SOD2: variants seen among roughly 807,000 people sequenced by gnomAD.
SOD2 encodes superoxide dismutase 2.
Under a neutral mutation model 27.0 loss-of-function variants are expected in SOD2, and 11 were observed. The ratio of observed to expected loss-of-function variants is 0.41; its 90% CI spans 0.26 to 0.67. SOD2 has a LOEUF of 0.67. Among genes scored for constraint, SOD2 ranks in the 30% least tolerant of loss-of-function variants. The probability of loss-of-function intolerance (pLI) is 0.34; values close to 1 mark genes in which losing one functional copy is unlikely to be tolerated. For missense variants in SOD2, 250 were observed against 274.5 expected (o/e 0.91, Z 0.63); for synonymous variants, 105 against 103.0 (o/e 1.02, Z -0.12).
At chr6:159,704,868 C>T (rs1364673776) in intron 1 of SOD2, among the ~76,000 whole-genome samples, 1 of 152,336 alleles carries the variant, frequency 6.6e-6, no homozygotes, top group South Asian at 2.1e-4. Flanking sequence ...AACTGGGAGG[C>T]ACCCCCCAGT....
intron 1 of SOD2, chr6:159,713,029 C>T: frequency 1.6e-6 from 1 of 639,536 alleles, no homozygotes; most frequent in Non-Finnish European, 2.8e-6. Context: ...TAAACTCTGT[C>T]ATCGTGTCCA....
rs1779682614 is a variant in SOD2 at position 159,672,235 on chromosome 6, C to G, written c.*10258G>C. On this transcript the variant is annotated 3_prime_UTR_variant, in exon 5 of 5. Transcript: ENST00000538183. ...GGACAACATTCAAATTCAGGAAATA[C>G]AGAGAACGCCACAAAGATACTCCTC... 1 of 152,158 alleles carries G rather than the reference C, an allele frequency of 6.6e-6. No individual in the cohort carries two copies. Among genetic ancestry groups the G allele is most frequent in the Non-Finnish European group, 1.5e-5 (1 of 68,040 alleles). The allele number at this position is 152,158 out of a possible 1,614,324, so 9.4% of individuals were successfully genotyped here.
At chr6:159,724,255 G>A (rs1778096764) in intron 1 of SOD2, among the ~76,000 whole-genome samples, 1 of 152,158 alleles carries the variant, frequency 6.6e-6, no homozygotes, top group South Asian at 2.1e-4. Flanking sequence ...GCCTATCAAA[G>A]TGCTGGGATT....
intron 1 of SOD2, among the ~76,000 whole-genome samples, chr6:159,735,637 T>C (rs1778864608): frequency 1.3e-5 from 2 of 151,982 alleles, no homozygotes; most frequent in African/African-American, 4.8e-5. Flanking sequence ...TAGTCCCAGC[T>C]ATTTAGGGGG....
chr6:159,726,477 A>G, intron 1 of SOD2: 1 of 238,786 alleles, frequency 4.2e-6, no homozygotes, highest in Non-Finnish European at 8.6e-6. Flanking sequence ...AACAGGTTTG[A>G]TAAAGCCGGC....
intron 1 of SOD2, among the ~76,000 whole-genome samples, chr6:159,750,460 C>A: frequency 6.6e-6 from 1 of 152,144 alleles, no homozygotes; most frequent in Non-Finnish European, 1.5e-5. Flanking sequence ...GAGTGTCACT[C>A]CCGGATGTGA....
intron 1 of SOD2, among the ~76,000 whole-genome samples, chr6:159,708,821 A>C (rs1777675636): frequency 6.6e-6 from 1 of 152,238 alleles, no homozygotes; most frequent in South Asian, 2.1e-4. Flanking sequence ...AGTCAATCCT[A>C]AGCCAAAAGA....
intron 1 of SOD2, among the ~76,000 whole-genome samples, chr6:159,758,445 ACTC>A (rs1422921414): frequency 2.0e-5 from 3 of 151,722 alleles, no homozygotes; most frequent in Non-Finnish European, 4.4e-5. Context: ...ACAACTGACT[ACTC>A]CAGTTTTTGA....
At chr6:159,724,807 G>C (rs1487483754) in intron 1 of SOD2, among the ~76,000 whole-genome samples, 1 of 147,982 alleles carries the variant, frequency 6.8e-6, no homozygotes, top group Non-Finnish European at 1.5e-5. Context: ...AGCCATGATC[G>C]TACCACTGCA....
intron 1 of SOD2, among the ~76,000 whole-genome samples, chr6:159,703,794 C>T (rs143364191): frequency 2.0e-4 from 30 of 152,304 alleles, no homozygotes; most frequent in African/African-American, 6.7e-4. Flanking sequence ...TGCTTAGATA[C>T]ACTCCTACAA....
rs1214366146 is a variant in SOD2 at position 159,674,530 on chromosome 6, T to G, written c.*7963A>C. ...ATCTCAACAGATGCAGAAAAGGCCT[T>G]GGACAAAATTCAACAGCCCTTCATG... On this transcript the variant is annotated 3_prime_UTR_variant, in exon 5 of 5. Coordinates refer to ENST00000538183, the MANE Select transcript of SOD2 (RefSeq NM_000636.4). 1 of 152,226 alleles carries G rather than the reference T, an allele frequency of 6.6e-6. No individual in the cohort carries two copies. Among genetic ancestry groups the G allele is most frequent in the African/African-American group, 2.4e-5 (1 of 41,458 alleles). 9.4% of individuals were successfully genotyped at this position (152,226 alleles called of 1,614,324 possible). A position where few individuals can be genotyped will look rare whatever the true frequency, so the allele number is the denominator to read the frequency against.
intron 1 of SOD2, among the ~76,000 whole-genome samples, chr6:159,711,990 CT>C (rs1174424359): frequency 2.2e-5 from 2 of 91,314 alleles, no homozygotes; most frequent in Non-Finnish European, 4.5e-5. Flanking sequence ...ACTCACACTG[CT>C]CAGACCTCCA....
chr6:159,676,759 G>A lies in SOD2; in HGVS notation c.*5734C>T, dbSNP rs1967802. 116,592 of 152,062 alleles carry A rather than the reference G, an allele frequency of 0.77. 45,164 individuals carry two copies. Among genetic ancestry groups the A allele is most frequent in the South Asian group, 0.85 (4,123 of 4,824 alleles). 9.4% of individuals were successfully genotyped at this position (152,062 alleles called of 1,614,324 possible). ...TAAAGTATAATTTAAAAATAAATAA[G>A]TAAAAAATAAAATGCCAGAGTTGGC... On this transcript the variant is annotated 3_prime_UTR_variant, in exon 5 of 5. Transcript: ENST00000538183.
chr6:159,750,218 A>T (rs1384118280), intron 1 of SOD2, among the ~76,000 whole-genome samples: 1 of 152,214 alleles, frequency 6.6e-6, no homozygotes, highest in African/African-American at 2.4e-5. Context: ...ATTTAAGTTC[A>T]CAGTAGAAAT....
chr6:159,693,055 G>T (rs1777308588), intron 1 of SOD2, 90 bp downstream of exon 1: 3 of 1,494,788 alleles, frequency 2.0e-6, no homozygotes, highest in East Asian at 2.8e-5. Flanking sequence ...GCCAGGCCCG[G>T]TGCGGCCACT....
intron 1 of SOD2, among the ~76,000 whole-genome samples, chr6:159,702,969 G>C (rs1043182919): frequency 8.6e-5 from 13 of 151,368 alleles, no homozygotes; most frequent in Non-Finnish European, 1.0e-4. Context: ...AGTGAGCTCT[G>C]ATTGCACCAC....
intron 1 of SOD2, among the ~76,000 whole-genome samples, chr6:159,699,787 G>A (rs6927873): frequency 0.27 from 40,681 of 152,032 alleles, 5,505 homozygotes; most frequent in East Asian, 0.4. Flanking sequence ...GAATCTCTGG[G>A]CCAGCACAAC....
intron 1 of SOD2, among the ~76,000 whole-genome samples, chr6:159,750,576 T>A (rs6928450): frequency 0.21 from 32,039 of 152,200 alleles, 3,516 homozygotes; most frequent in East Asian, 0.4. Context: ...ATGTATATTG[T>A]TTTAAACAAA....
At chr6:159,704,477 T>C (rs999840681) in intron 1 of SOD2, among the ~76,000 whole-genome samples, 2 of 152,230 alleles carry the variant, frequency 1.3e-5, no homozygotes, top group African/African-American at 4.8e-5. Context: ...CAGGAGATTA[T>C]ATCCTGTGCC....
Sources: allele counts gnomAD v4.1 joint callset (sites outside exome capture counted in the v4.1 genomes callset), GRCh38; gene constraint gnomAD v4.1.1; transcripts MANE v1.5; gene names NCBI Gene and HGNC (gene_info 2026-07-23, HGNC 2026-07-21).